The following BTNL2 variants were observed in gnomAD, a reference collection of about 807,000 sequenced individuals.
The protein encoded by BTNL2 is butyrophilin like 2, also known as butyrophilin-like protein 2.
Under a neutral mutation model 46.8 loss-of-function variants are expected in BTNL2, and 46 were observed. That is an observed-to-expected ratio of 0.98 (90% confidence interval 0.78 to 1.26). BTNL2 has a LOEUF of 1.26. Ranked by LOEUF, BTNL2 falls within the 50% of genes most tolerant of loss-of-function variation. BTNL2 has a pLI of 0.00. For missense variants in BTNL2, 461 were observed against 592.6 expected (o/e 0.78, Z 2.31); for synonymous variants, 226 against 229.1 (o/e 0.99, Z 0.12).
Position 32,393,853 on chromosome 6 carries a change from A to G in BTNL2, c.*6+110T>C. ...TTTCTCATGTTTCCTTAGTTACTGG[A>G]TATTCACTGACTGCCTCCCATAGGT... On this transcript the variant is annotated intron_variant, in intron 7 of 7. Coordinates refer to ENST00000454136, the MANE Select transcript of BTNL2 (RefSeq NM_001304561.2). This position sits in a 1 kb window ranked among gnomAD's most constrained non-coding sequence, Gnocchi z 4.8. 2 of 1,405,196 alleles carry G rather than the reference A, an allele frequency of 1.4e-6. No individual in the cohort carries two copies. The highest frequency in any genetic ancestry group is 9.4e-7 in the Non-Finnish European group (1 of 1,058,702). 87.0% of individuals were successfully genotyped at this position (1,405,196 alleles called of 1,614,324 possible).
chr6:32,404,279 A>G (rs1453599562), intron 2 of BTNL2, among the ~76,000 whole-genome samples: 1 of 152,196 alleles, frequency 6.6e-6, no homozygotes, highest in African/African-American at 2.4e-5. Flanking sequence ...AGGGAATCAT[A>G]TGATAGTTTA....
In BTNL2 at chr6:32,393,832, T is replaced by TTA. The variant is rs879509717; in HGVS notation, c.*6+130_*6+131insTA. The TTA allele has an allele frequency of 0.11, 145,843 of 1,298,988 alleles. 8,953 individuals are homozygous for TTA. The highest frequency in any genetic ancestry group is 0.12 in the African/African-American group (8,053 of 66,596). 80.5% of individuals were successfully genotyped at this position (1,298,988 alleles called of 1,614,324 possible). On this transcript the variant is annotated intron_variant, in intron 7 of 7. Transcript: ENST00000454136. This position sits in a 1 kb window ranked among gnomAD's most constrained non-coding sequence, Gnocchi z 4.8. ...GATAAGCCCTGGGCTTTCCTGTTTC[T>TTA]CATGTTTCCTTAGTTACTGGATATT...
In BTNL2 at chr6:32,403,210, C is replaced by G; in HGVS notation, c.434G>C (p.Gly145Ala). 1.2e-6 allele frequency: 2 copies of G among 1,604,022 alleles called. No individual in the cohort carries two copies. Among genetic ancestry groups the G allele is most frequent in the Non-Finnish European group, 1.7e-6 (2 of 1,175,378 alleles). Residue 145 changes from glycine to alanine, a missense_variant, in exon 3 of 8, where the codon GGG (glycine) becomes GCG (alanine). Transcript: ENST00000454136. ...TSLLLKVAGL[G>A]SAPSIHMEGP... is the part of the protein sequence containing the mutation. Reference sequence around the variant, plus strand: ...CTCCATGTGGATGCTAGGGGCAGACCCCAGACCTGCAGAGGGAAGCCACAG... The same window carrying G: ...CTCCATGTGGATGCTAGGGGCAGACGCCAGACCTGCAGAGGGAAGCCACAG...
At chr6:32,400,155 C>T (rs1276008349) in intron 4 of BTNL2, among the ~76,000 whole-genome samples, 1 of 152,186 alleles carries the variant, frequency 6.6e-6, no homozygotes. Context: ...GTAAGATACA[C>T]AGGTGTGTGT....
At position 32,405,265 on chromosome 6, in the gene BTNL2, G is replaced by C. The variant is rs373222791; in HGVS notation, c.101C>G (p.Pro34Arg). 12 of 1,612,912 alleles carry C rather than the reference G, an allele frequency of 7.4e-6. No homozygotes were observed. In the African/African-American group the frequency reaches 1.6e-4, roughly 22 times the overall value. The change falls in exon 2 of 8, where the codon CCT becomes CGT. Residue 34 changes from proline (P) to arginine (R), a missense_variant. Pro to Arg is a moderately radical substitution (Grantham distance 103, BLOSUM62 -2). Transcript: ENST00000454136. ...KQSEDFRVIG[P>R]AHPILAGVGE... ...AACCCCGGCCAGGATAGGATGAGCA[G>C]GGCCAATGACTCTAAAGTCTTCTAT...
chr6:32,401,207 C>CAAAAAAAAAAAAAAAAAAAAAAAAAAA (rs9279632), intron 4 of BTNL2, among the ~76,000 whole-genome samples: 2 of 38,918 alleles, frequency 5.1e-5, no homozygotes, highest in Admixed American at 4.9e-4. Flanking sequence ...GACTCCGTCT[C>CAAAAAAAAAAAAAAAAAAAAAAAAAAA]AAAAAAAAAA....
chr6:32,394,637 G>A lies in BTNL2; in HGVS notation c.1360+107C>T. 3 of 1,332,264 alleles carry A rather than the reference G, an allele frequency of 2.3e-6. No individual in the cohort carries two copies. Among genetic ancestry groups the A allele is most frequent in the Non-Finnish European group, 3.1e-6 (3 of 967,378 alleles). 82.5% of individuals were successfully genotyped at this position (1,332,264 alleles called of 1,614,324 possible). A position where few individuals can be genotyped will look rare whatever the true frequency, so the allele number is the denominator to read the frequency against. On this transcript the variant is annotated intron_variant, in intron 6 of 7. Coordinates refer to ENST00000454136, the MANE Select transcript of BTNL2 (RefSeq NM_001304561.2). The surrounding 1 kb of genome is among the most constrained non-coding windows in gnomAD (Gnocchi z 4.6). ...GAGGATAGCAGGAGACCTCGTCAGAGATCAGCAAATAAAAATCACAAAGGA... is the reference window on the plus strand; with the variant it reads ...GAGGATAGCAGGAGACCTCGTCAGAAATCAGCAAATAAAAATCACAAAGGA...
Position 32,396,298 on chromosome 6 carries a change from C to T in BTNL2, c.819G>A (p.Ala273=), listed in dbSNP as rs987041303. The change falls in exon 5 of 8, where the codon GCG becomes GCA. Residue 273 remains alanine, a synonymous_variant. Transcript: ENST00000454136. The surrounding 1 kb of genome is among the most constrained non-coding windows in gnomAD (Gnocchi z 4.4). ...IQLTCYLSPK[A]NAQSMEVRWD... is the part of the protein sequence containing the mutation. ...ACCTCACCTCCATGCTCTGTGCATT[C>T]GCCTTGGGGGACAGGTAACAGGTTA... 9 of 1,612,798 alleles carry T rather than the reference C, an allele frequency of 5.6e-6. No individual in the cohort carries two copies. The highest frequency in any genetic ancestry group is 2.2e-5 in the East Asian group (1 of 44,884).
At position 32,405,002 on chromosome 6, in the gene BTNL2, A is replaced by G. The variant is rs765631476; in HGVS notation, c.364T>C (p.Tyr122His). The G allele has an allele frequency of 1.8e-5, 29 of 1,613,052 alleles. No homozygotes were observed. The East Asian group carries it at 6.5e-4, about 36-fold the overall frequency. The change falls in exon 2 of 8, where the codon TAC becomes CAC. Residue 122 changes from tyrosine to histidine, a missense_variant. Coordinates refer to ENST00000454136, the MANE Select transcript of BTNL2 (RefSeq NM_001304561.2). Reference sequence around the variant, plus strand: ...TTCCCATCCTGGAAATGGCACCAGTATTGTCCATTGTCGGAGGGCTGGATG... The same window carrying G: ...TTCCCATCCTGGAAATGGCACCAGTGTTGTCCATTGTCGGAGGGCTGGATG... ...HNIQPSDNGQ[Y>H]WCHFQDGNYC...
Position 32,393,761 on chromosome 6 carries a change from A to G in BTNL2, c.*6+202T>C. The G allele has an allele frequency of 1.8e-6, 1 of 552,210 alleles. No homozygotes were observed. The highest frequency in any genetic ancestry group is 2.9e-6 in the Non-Finnish European group (1 of 341,412). 34.2% of individuals were successfully genotyped at this position (552,210 alleles called of 1,614,324 possible). On this transcript the variant is annotated intron_variant, in intron 7 of 7. Coordinates refer to ENST00000454136, the MANE Select transcript of BTNL2 (RefSeq NM_001304561.2). This position sits in a 1 kb window ranked among gnomAD's most constrained non-coding sequence, Gnocchi z 4.8. ...ATCTTTTAATCATTTTGCTTCTATT[A>G]CAAGTGGAAACACTGACCTCATGCA...
At position 32,396,467 on chromosome 6, in the gene BTNL2, A is replaced by G. The variant is rs1208000086; in HGVS notation, c.731-81T>C. ...TCATCTCTAAGAACAGCTCCATTGGAGTTTAGAAACCATGAGCATCCCAGG... is the reference window on the plus strand; with the variant it reads ...TCATCTCTAAGAACAGCTCCATTGGGGTTTAGAAACCATGAGCATCCCAGG... On this transcript the variant is annotated intron_variant, in intron 4 of 7. Transcript: ENST00000454136. This position sits in a 1 kb window ranked among gnomAD's most constrained non-coding sequence, Gnocchi z 4.4. The G allele has an allele frequency of 7.3e-7, 1 of 1,367,534 alleles. No homozygotes were observed. Among genetic ancestry groups the G allele is most frequent in the African/African-American group, 1.4e-5 (1 of 69,726 alleles). 84.7% of individuals were successfully genotyped at this position (1,367,534 alleles called of 1,614,324 possible).
At chr6:32,405,453 G>T in intron 1 of BTNL2, 167 bp from the exon 2 acceptor site, 1 of 793,024 alleles carries the variant, frequency 1.3e-6, no homozygotes, top group East Asian at 2.7e-5. Context: ...GTTTGTTACA[G>T]AGTCAATTTT....
In BTNL2 at chr6:32,396,751, C is replaced by T. The variant is rs1377955993; in HGVS notation, c.731-365G>A. On this transcript the variant is annotated intron_variant, in intron 4 of 7. Coordinates refer to ENST00000454136, the MANE Select transcript of BTNL2 (RefSeq NM_001304561.2). This position sits in a 1 kb window ranked among gnomAD's most constrained non-coding sequence, Gnocchi z 4.4. Reference sequence around the variant, plus strand: ...ATCCCAGCACTTTGGGAGGCCGAAGCGGGTGGATCACCAGAGGTCAGGAGT... The same window carrying T: ...ATCCCAGCACTTTGGGAGGCCGAAGTGGGTGGATCACCAGAGGTCAGGAGT... 3.3e-5 allele frequency among the ~76,000 whole-genome samples: 5 copies of T among 152,118 alleles called. No individual in the cohort carries two copies. The highest frequency in any genetic ancestry group is 9.7e-5 in the African/African-American group (4 of 41,416).
chr6:32,398,278 G>GTCAC (rs1776565082), intron 4 of BTNL2, among the ~76,000 whole-genome samples: 1 of 152,200 alleles, frequency 6.6e-6, no homozygotes, highest in Admixed American at 6.5e-5. Flanking sequence ...TCTGCATAGA[G>GTCAC]TCACTGGCCA....
rs546466362 is a variant in BTNL2 at position 32,403,149 on chromosome 6, A to G, written c.495T>C (p.Thr165=). Residue 165 remains threonine (T), a synonymous_variant, in exon 3 of 8, where the codon ACT becomes ACC. Coordinates refer to ENST00000454136, the MANE Select transcript of BTNL2 (RefSeq NM_001304561.2). ...PGESGVQLVC[T]ARGWFPEPQV... ...GGGGCTCTGGGAACCAGCCCCTTGC[A>G]GTGCACACAAGCTGGACTCCACTCT... 6.2e-7 allele frequency: 1 copy of G among 1,612,682 alleles called. No individual in the cohort carries two copies. The highest frequency in any genetic ancestry group is 1.7e-5 in the Admixed American group (1 of 59,980).
Position 32,402,931 on chromosome 6 carries a change from T to A in BTNL2, c.709+4A>T. 6.2e-7 allele frequency: 1 copy of A among 1,611,850 alleles called. No homozygotes were observed. Among genetic ancestry groups the A allele is most frequent in the Non-Finnish European group, 8.5e-7 (1 of 1,179,098 alleles). On this transcript the variant is annotated splice_donor_region_variant and intron_variant, in intron 3 of 7. Transcript: ENST00000454136. ...CATGTGGGTCCTAGAGGCAGAGCAC[T>A]GACCTGGGAGGCTGATGACCGACCC...
chr6:32,394,211 A>G lies in BTNL2; in HGVS notation c.1361-154T>C, dbSNP rs1340906074. ...CTGCTCCTCCCTGCTCTGGAGATGC[A>G]GAGGAGAGAATGCAAGTATTTCATG... On this transcript the variant is annotated intron_variant, in intron 6 of 7. Coordinates refer to ENST00000454136, the MANE Select transcript of BTNL2 (RefSeq NM_001304561.2). This position sits in a 1 kb window ranked among gnomAD's most constrained non-coding sequence, Gnocchi z 4.6. Among the ~76,000 whole-genome samples, 2 of 152,236 alleles carry G rather than the reference A, an allele frequency of 1.3e-5. No homozygotes were observed. Among genetic ancestry groups the G allele is most frequent in the East Asian group, 1.9e-4 (1 of 5,198 alleles).
At chr6:32,401,721 C>A (rs1421149770) in intron 4 of BTNL2, 64 bp downstream of exon 4, 4 of 1,497,188 alleles carry the variant, frequency 2.7e-6, no homozygotes, top group Non-Finnish European at 3.7e-6. Context: ...GTGGTAGCTC[C>A]CCTCCCTCTG....
At position 32,394,142 on chromosome 6, in the gene BTNL2, C is replaced by T; in HGVS notation, c.1361-85G>A. ...ACTTTTCATCTGAGCAGCTTCTAGG[C>T]TGGAGAGAAGGGAGAGAATTTGGCC... On this transcript the variant is annotated intron_variant, in intron 6 of 7. Transcript: ENST00000454136. The surrounding 1 kb of genome is among the most constrained non-coding windows in gnomAD (Gnocchi z 4.6). The T allele has an allele frequency of 6.6e-7, 1 of 1,513,076 alleles. No individual in the cohort carries two copies. The highest frequency in any genetic ancestry group is 8.9e-7 in the Non-Finnish European group (1 of 1,126,714). The allele number at this position is 1,513,076 out of a possible 1,614,324, so 93.7% of individuals were successfully genotyped here. A position where few individuals can be genotyped will look rare whatever the true frequency, so the allele number is the denominator to read the frequency against.
Sources: gnomAD v4.1 joint callset for allele counts (sites outside exome capture counted in the v4.1 genomes callset) on GRCh38, gnomAD v4.1.1 for gene constraint, Gnocchi (gnomAD v3.1) non-coding constraint, MANE v1.5 for transcripts, NCBI Gene and HGNC (gene_info 2026-07-23, HGNC 2026-07-21) for gene names.